OR51B5: variants seen among roughly 807,000 people sequenced by gnomAD.
OR51B5 encodes olfactory receptor 51B5.
For synonymous variants in OR51B5, 186 were observed against 144.8 expected (o/e 1.28, Z -2.04); for missense variants, 456 against 374.6 (o/e 1.22, Z -1.79).
At chr11:5,454,369 C>T (rs759967220) in intron 1 of OR51B5, 1 of 1,613,342 alleles carries the variant, frequency 6.2e-7, no homozygotes, top group Non-Finnish European at 8.5e-7. Flanking sequence ...ATTTATAGCG[C>T]CAAGACAAAG....
At chr11:5,356,807 G>C (rs1259776280) in intron 1 of OR51B5, among the ~76,000 whole-genome samples, 1 of 125,916 alleles carries the variant, frequency 7.9e-6, no homozygotes, top group African/African-American at 2.9e-5. Flanking sequence ...CCAGAAGAGA[G>C]TGGGGGCCAA....
Position 5,427,789 on chromosome 11 carries a change from G to A in OR51B5, n.84+77780C>T, listed in dbSNP as rs565036583. Among the ~76,000 whole-genome samples the A allele has an allele frequency of 6.6e-5, 10 of 151,980 alleles. No individual in the cohort carries two copies. In the South Asian group the frequency reaches 8.3e-4, roughly 13 times the overall value. Reference sequence around the variant, plus strand: ...GTTTTTCTACCATTATATTTCATACGGGAATGATATTAGAAAATAAAAACA... The same window carrying A: ...GTTTTTCTACCATTATATTTCATACAGGAATGATATTAGAAAATAAAAACA... On this transcript the variant is annotated intron_variant and non_coding_transcript_variant, in intron 1 of 4. Coordinates refer to the OR51B5 transcript ENST00000415970.
At chr11:5,391,191 C>G (rs1025063115) in intron 1 of OR51B5, 1 of 152,232 alleles carries the variant, frequency 6.6e-6, no homozygotes, top group African/African-American at 2.4e-5. Flanking sequence ...AGGAAATAAA[C>G]TTTACATTGG....
chr11:5,467,023 A>C (rs1851147842), intron 1 of OR51B5, among the ~76,000 whole-genome samples: 1 of 152,136 alleles, frequency 6.6e-6, no homozygotes, highest in Non-Finnish European at 1.5e-5. Flanking sequence ...CTGAGGCTAT[A>C]TCCTTTTGGA....
chr11:5,431,142 A>C, intron 1 of OR51B5: 1 of 402,290 alleles, frequency 2.5e-6, no homozygotes, highest in Non-Finnish European at 5.0e-6. Context: ...TGAGTGCCAC[A>C]CTCTTCAGTG....
intron 1 of OR51B5, chr11:5,422,598 A>C (rs763067199): frequency 6.2e-7 from 1 of 1,613,884 alleles, no homozygotes; most frequent in Admixed American, 1.7e-5. Context: ...TGTCCCCTCC[A>C]TTATGCCTCC....
At chr11:5,383,272 T>C (rs561253925) in intron 1 of OR51B5, among the ~76,000 whole-genome samples, 3 of 152,256 alleles carry the variant, frequency 2.0e-5, no homozygotes, top group South Asian at 2.1e-4. Flanking sequence ...GGATTGAATA[T>C]GCAAGATTGA....
At chr11:5,417,624 G>T (rs1343454187) in intron 1 of OR51B5, among the ~76,000 whole-genome samples, 1 of 151,114 alleles carries the variant, frequency 6.6e-6, no homozygotes, top group Admixed American at 6.6e-5. Flanking sequence ...GACATGAACA[G>T]ACACTTCTCA....
In OR51B5 at chr11:5,489,359, C is replaced by A. The variant is rs1445961557; in HGVS notation, n.84+16210G>T. ...ATGGGACTGGATTCCATTCTCATTG[C>A]CATTTCCTATGGCTTTATCCTCCAT... On this transcript the variant is annotated intron_variant and non_coding_transcript_variant, in intron 1 of 4. Coordinates refer to the OR51B5 transcript ENST00000415970. 14 of 1,613,870 alleles carry A rather than the reference C, an allele frequency of 8.7e-6. No individual in the cohort carries two copies. The East Asian group carries it at 2.9e-4, about 33-fold the overall frequency.
At chr11:5,370,510 C>G (rs1015590939) in intron 1 of OR51B5, among the ~76,000 whole-genome samples, 4 of 151,984 alleles carry the variant, frequency 2.6e-5, no homozygotes, top group Non-Finnish European at 5.9e-5. Flanking sequence ...TATTCTTTAT[C>G]TCACTCTCTT....
At chr11:5,408,960 G>A (rs1850102849) in intron 1 of OR51B5, among the ~76,000 whole-genome samples, 1 of 151,720 alleles carries the variant, frequency 6.6e-6, no homozygotes, top group African/African-American at 2.4e-5. Flanking sequence ...TCCAAATGTT[G>A]TGCATTCTTC....
At chr11:5,483,048 A>G (rs1487092078) in intron 1 of OR51B5, among the ~76,000 whole-genome samples, 1 of 146,802 alleles carries the variant, frequency 6.8e-6, no homozygotes, top group African/African-American at 2.5e-5. Flanking sequence ...CTATAAAGAC[A>G]CATGCACACG....
downstream of OR51B5, among the ~76,000 whole-genome samples, chr11:5,342,198 A>ACC (rs1848906039): frequency 2.6e-5 from 4 of 152,312 alleles, no homozygotes; most frequent in South Asian, 8.3e-4. Context: ...GACATAGTAA[A>ACC]CCAAACTCTA....
chr11:5,455,912 T>C (rs1850952322), intron 1 of OR51B5: 1 of 152,204 alleles, frequency 6.6e-6, no homozygotes, highest in African/African-American at 2.4e-5. Flanking sequence ...TTGGATAGCA[T>C]AACTTAGTAT....
intron 1 of OR51B5, among the ~76,000 whole-genome samples, chr11:5,430,198 C>G (rs1850514760): frequency 6.6e-6 from 1 of 152,026 alleles, no homozygotes; most frequent in Non-Finnish European, 1.5e-5. Context: ...TCACCTTACT[C>G]AAAGACATGT....
chr11:5,423,950 A>G (rs1850401002), intron 1 of OR51B5, among the ~76,000 whole-genome samples: 1 of 152,160 alleles, frequency 6.6e-6, no homozygotes, highest in Non-Finnish European at 1.5e-5. Flanking sequence ...TTCTTAATGT[A>G]GCTCTGCTTC....
chr11:5,365,311 G>A (rs746231565), intron 1 of OR51B5, among the ~76,000 whole-genome samples: 1 of 152,154 alleles, frequency 6.6e-6, no homozygotes, highest in Non-Finnish European at 1.5e-5. Context: ...GCCAGCTGTG[G>A]AAAACATGGG....
At chr11:5,447,744 G>T (rs74993306) in intron 1 of OR51B5, among the ~76,000 whole-genome samples, 11,499 of 151,454 alleles carry the variant, frequency 0.076, 577 homozygotes, top group African/African-American at 0.13. Flanking sequence ...TCCTTTCTGT[G>T]GCTCTTTCCC....
chr11:5,478,276 T>G (rs890751470), intron 1 of OR51B5, among the ~76,000 whole-genome samples: 4 of 152,010 alleles, frequency 2.6e-5, no homozygotes, highest in Admixed American at 2.6e-4. Flanking sequence ...GGCAGGGTAT[T>G]CCAACAGACT....
Sources: allele counts gnomAD v4.1 joint callset (sites outside exome capture counted in the v4.1 genomes callset), GRCh38; gene constraint gnomAD v4.1.1; transcripts MANE v1.5; gene names NCBI Gene and HGNC (gene_info 2026-07-23, HGNC 2026-07-21).